ANXA5: variants seen among roughly 807,000 people sequenced by gnomAD.
ANXA5 encodes annexin A5, also known as CBP-I.
A neutral mutation model predicts 48.1 loss-of-function variants in ANXA5; 40 were observed. The observed-to-expected ratio is 0.83, with a 90% CI of 0.65 to 1.08. The LOEUF is 1.08. ANXA5 is among the 50% of genes least tolerant of loss of function. ANXA5 has a pLI of 0.00. For missense variants in ANXA5, 357 were observed against 376.8 expected (o/e 0.95, Z 0.44); for synonymous variants, 113 against 129.1 (o/e 0.88, Z 0.85).
rs374246149 is a variant in ANXA5 at position 121,678,407 on chromosome 4, C to T, written c.474+8G>A. ...TTAATCAAACTGTAATTAATCTCCA[C>T]GCAATACCTGAAGGAGAACCACCAA... On this transcript the variant is annotated splice_region_variant and intron_variant, in intron 7 of 12. Coordinates refer to ENST00000296511, the MANE Select transcript of ANXA5 (RefSeq NM_001154.4). 26 of 1,610,536 alleles carry T rather than the reference C, an allele frequency of 1.6e-5. No individual in the cohort carries two copies. The highest frequency in any genetic ancestry group is 1.7e-4 in the Middle Eastern group (1 of 6,050).
chr4:121,676,722 A>G (rs1303979186), intron 8 of ANXA5, among the ~76,000 whole-genome samples: 1 of 151,908 alleles, frequency 6.6e-6, no homozygotes, highest in Non-Finnish European at 1.5e-5. Context: ...ACCTAACTCT[A>G]AAGTATCTAA....
chr4:121,684,513 T>TC (rs950686865), intron 4 of ANXA5, among the ~76,000 whole-genome samples, 164 bp downstream of exon 4: 1 of 152,106 alleles, frequency 6.6e-6, no homozygotes, highest in Non-Finnish European at 1.5e-5. Context: ...GAGCACTGTA[T>TC]CCTAAGAGCT....
At chr4:121,685,891 T>C (rs1317301873) in intron 3 of ANXA5, among the ~76,000 whole-genome samples, 2 of 152,344 alleles carry the variant, frequency 1.3e-5, no homozygotes, top group East Asian at 3.9e-4. Context: ...TGTTCAGTTC[T>C]AGAGACTGAA....
At chr4:121,693,773 A>T (rs890413520) in intron 2 of ANXA5, among the ~76,000 whole-genome samples, 1 of 152,214 alleles carries the variant, frequency 6.6e-6, no homozygotes, top group Non-Finnish European at 1.5e-5. Flanking sequence ...GGCCACGGGT[A>T]AACAGGTAAC....
At chr4:121,685,758 A>T (rs1435966606) in intron 3 of ANXA5, among the ~76,000 whole-genome samples, 1 of 152,206 alleles carries the variant, frequency 6.6e-6, no homozygotes, top group Non-Finnish European at 1.5e-5. Flanking sequence ...AGAATGGGAT[A>T]TCTGATTGGG....
At chr4:121,680,523 G>A (rs570218709) in intron 6 of ANXA5, among the ~76,000 whole-genome samples, 2 of 152,326 alleles carry the variant, frequency 1.3e-5, no homozygotes, top group Non-Finnish European at 2.9e-5. Context: ...TGAGGAGACT[G>A]CACACAAACT....
At chr4:121,684,898 T>C (rs961017337) in intron 3 of ANXA5, 127 bp from the exon 4 acceptor site, 2 of 686,574 alleles carry the variant, frequency 2.9e-6, no homozygotes, top group Middle Eastern at 3.4e-4. Flanking sequence ...ATATATTTTA[T>C]GGCCGGCGCA....
At chr4:121,695,912 GA>G (rs60664697) in intron 2 of ANXA5, among the ~76,000 whole-genome samples, 162 of 137,058 alleles carry the variant, frequency 1.2e-3, no homozygotes, top group African/African-American at 3.2e-3. Flanking sequence ...AAAAAAAAAG[GA>G]AAAAAAAAAA....
At position 121,678,452 on chromosome 4, in the gene ANXA5, G is replaced by T; in HGVS notation, c.437C>A (p.Ser146Ter). The change falls in exon 7 of 13, where the codon TCA becomes TAA. Residue 146 changes from serine to a stop codon, truncating the protein, a stop_gained. Coordinates refer to ENST00000296511, the MANE Select transcript of ANXA5 (RefSeq NM_001154.4). LOFTEE classifies it high-confidence loss of function. ...SLEDDVVGDTSGYYQRMLVVL... is the reference protein window; with the variant it reads ...SLEDDVVGDT ...CACCAACATCCGCTGGTAGTACCCTGAAGTGTCCCCCACCACGTCATCTTC... is the reference window on the plus strand; with the variant it reads ...CACCAACATCCGCTGGTAGTACCCTTAAGTGTCCCCCACCACGTCATCTTC... The T allele has an allele frequency of 6.2e-7, 1 of 1,613,788 alleles. No individual in the cohort carries two copies.
chr4:121,696,422 G>A (rs1725082948), intron 2 of ANXA5, among the ~76,000 whole-genome samples, 159 bp downstream of exon 2: 1 of 152,142 alleles, frequency 6.6e-6, no homozygotes, highest in Non-Finnish European at 1.5e-5. Flanking sequence ...AACGGGGGCA[G>A]GGAAGCAAAG....
At chr4:121,673,037 T>G (rs1235476781) in intron 8 of ANXA5, among the ~76,000 whole-genome samples, 1 of 152,238 alleles carries the variant, frequency 6.6e-6, no homozygotes, top group African/African-American at 2.4e-5. Context: ...TTTTGCTTGT[T>G]CTATAGCTGT....
At chr4:121,685,843 T>C (rs1578446460) in intron 3 of ANXA5, among the ~76,000 whole-genome samples, 1 of 152,004 alleles carries the variant, frequency 6.6e-6, no homozygotes, top group African/African-American at 2.4e-5. Context: ...CAGGTGAGGG[T>C]GACAAGCTCA....
rs1375670757 is a variant in ANXA5, at chr4:121,668,676, G to A, written c.904-149C>T. The stretch of plus-strand genomic sequence containing the variant: ...CTTTCACATCAGGAATGTTATGCAG[G>A]GAGTTTCCTACCAATGTAACCTCAG... On this transcript the variant is annotated intron_variant, in intron 12 of 12. Coordinates refer to ENST00000296511, the MANE Select transcript of ANXA5 (RefSeq NM_001154.4). The A allele has an allele frequency of 6.0e-6, 4 of 666,282 alleles. No homozygotes were observed. The African/African-American group carries it at 7.2e-5, about 12-fold the overall frequency. 41.3% of individuals were successfully genotyped at this position (666,282 alleles called of 1,614,324 possible).
intron 9 of ANXA5, 104 bp from the exon 10 acceptor site, chr4:121,671,746 C>A: frequency 1.3e-6 from 1 of 769,620 alleles, no homozygotes; most frequent in Non-Finnish European, 2.2e-6. Context: ...CAAATCTCCC[C>A]TTCTTCCTTG....
In ANXA5 at chr4:121,683,221, T is replaced by C. The variant is rs41278079; in HGVS notation, c.303+143A>G. On this transcript the variant is annotated intron_variant, in intron 5 of 12. Coordinates refer to ENST00000296511, the MANE Select transcript of ANXA5 (RefSeq NM_001154.4). ...AATTTTCTCCCTCCTTTACTGCTTA[T>C]TGCCTCCCAGTTTTGTCTGCCAAGC... is the stretch of plus-strand genomic sequence containing the variant. 0.021 allele frequency: 9,605 copies of C among 467,966 alleles called. 131 individuals are homozygous for C. The highest frequency in any genetic ancestry group is 0.036 in the East Asian group (1,052 of 29,286). The allele number at this position is 467,966 out of a possible 1,614,324, so 29.0% of individuals were successfully genotyped here. A position where few individuals can be genotyped will look rare whatever the true frequency, so the allele number is the denominator to read the frequency against.
chr4:121,692,470 T>A (rs962858822), intron 2 of ANXA5, among the ~76,000 whole-genome samples: 1 of 152,248 alleles, frequency 6.6e-6, no homozygotes, highest in African/African-American at 2.4e-5. Context: ...TGGCCTCCCA[T>A]GAGTTCACAT....
intron 6 of ANXA5, among the ~76,000 whole-genome samples, chr4:121,680,182 A>G (rs955764156): frequency 3.3e-5 from 5 of 152,112 alleles, no homozygotes; most frequent in African/African-American, 1.2e-4. Context: ...TTCACTTTGC[A>G]TTATGTCCTC....
chr4:121,672,242 C>T (rs1026916573), intron 9 of ANXA5, among the ~76,000 whole-genome samples: 3 of 152,148 alleles, frequency 2.0e-5, no homozygotes, highest in East Asian at 3.9e-4. Flanking sequence ...GGAGGAAATA[C>T]GTGTAGTGAG....
intron 5 of ANXA5, among the ~76,000 whole-genome samples, chr4:121,683,070 T>G (rs1724819276): frequency 6.6e-6 from 1 of 152,112 alleles, no homozygotes; most frequent in Admixed American, 6.5e-5. Context: ...TAATATTTTT[T>G]AAACATCCTC....
Sources: allele counts gnomAD v4.1 joint callset (sites outside exome capture counted in the v4.1 genomes callset), GRCh38; gene constraint gnomAD v4.1.1; transcripts MANE v1.5; gene names NCBI Gene and HGNC (gene_info 2026-07-23, HGNC 2026-07-21).